ST6GAL1: variants seen among roughly 807,000 people sequenced by gnomAD.
ST6GAL1 encodes the protein beta-galactoside alpha-2,6-sialyltransferase 1.
In ST6GAL1, 20 loss-of-function variants were observed where a neutral mutation model predicts 38.0. The ratio of observed to expected loss-of-function variants is 0.53; its 90% confidence interval spans 0.37 to 0.77. The LOEUF is 0.77. ST6GAL1 is among the 30% of genes least tolerant of loss of function. The probability of loss-of-function intolerance (pLI) is 0.00; values close to 1 mark genes in which losing one functional copy is unlikely to be tolerated. For synonymous variants in ST6GAL1, 196 were observed against 188.2 expected (o/e 1.04, Z -0.34); for missense variants, 432 against 496.4 (o/e 0.87, Z 1.23).
chr3:187,042,048 C>G (rs553568811), intron 3 of ST6GAL1: 2 of 152,372 alleles, frequency 1.3e-5, no homozygotes, highest in African/African-American at 4.8e-5. Context: ...TCGATCTTCT[C>G]ATGCAGGAGT....
chr3:187,020,969 T>TG (rs1298904974), intron 2 of ST6GAL1, among the ~76,000 whole-genome samples: 4 of 149,506 alleles, frequency 2.7e-5, no homozygotes, highest in Non-Finnish European at 5.9e-5. Context: ...TGGTTTTTTT[T>TG]TTTGTTTTTT....
chr3:187,064,869 C>T (rs1337852441), intron 5 of ST6GAL1, among the ~76,000 whole-genome samples: 1 of 152,156 alleles, frequency 6.6e-6, no homozygotes, highest in Non-Finnish European at 1.5e-5. Flanking sequence ...GGGTCCCCAC[C>T]CCCACTCCAC....
At chr3:187,047,854 T>C (rs1447812410) in intron 4 of ST6GAL1, among the ~76,000 whole-genome samples, 1 of 152,158 alleles carries the variant, frequency 6.6e-6, no homozygotes, top group South Asian at 2.1e-4. Flanking sequence ...TTTTGGTACA[T>C]GCATACAATG....
chr3:187,041,912 C>G (rs2108579552), intron 3 of ST6GAL1: 1 of 152,244 alleles, frequency 6.6e-6, no homozygotes, highest in South Asian at 2.1e-4. Flanking sequence ...TTTCCATTTC[C>G]TTAGTTGGCT....
chr3:187,057,082 A>G (rs1398566637), intron 5 of ST6GAL1, among the ~76,000 whole-genome samples: 2 of 151,664 alleles, frequency 1.3e-5, no homozygotes. Context: ...CCTTTCTTCC[A>G]CTTGATCGCA....
At chr3:186,995,990 A>G (rs1186947656) in intron 2 of ST6GAL1, among the ~76,000 whole-genome samples, 1 of 152,188 alleles carries the variant, frequency 6.6e-6, no homozygotes, top group East Asian at 1.9e-4. Flanking sequence ...TGCAGTGGCC[A>G]TATTATCGGT....
Position 187,075,968 on chromosome 3 carries a change from A to G in ST6GAL1, c.*165A>G, listed in dbSNP as rs926223640. The G allele has an allele frequency of 1.9e-6, 2 of 1,056,340 alleles. No homozygotes were observed. Among genetic ancestry groups the G allele is most frequent in the Non-Finnish European group, 2.7e-6 (2 of 753,572 alleles). The allele number at this position is 1,056,340 out of a possible 1,614,324, so 65.4% of individuals were successfully genotyped here. ...TTCAAGAGCCTGTGGTCAGGAAATC[A>G]GGTCCAGCCTTCCCTGTAGCCAGAC... On this transcript the variant is annotated 3_prime_UTR_variant, in exon 8 of 8. Transcript: ENST00000169298. This position sits in a 1 kb window ranked among gnomAD's most constrained non-coding sequence, Gnocchi z 4.1.
chr3:187,019,771 A>T (rs1717233968), intron 2 of ST6GAL1, among the ~76,000 whole-genome samples: 1 of 152,188 alleles, frequency 6.6e-6, no homozygotes, highest in Non-Finnish European at 1.5e-5. Flanking sequence ...GGTGTCAAGC[A>T]CTCTAAGTCT....
intron 2 of ST6GAL1, among the ~76,000 whole-genome samples, chr3:187,028,795 C>T (rs1303552929): frequency 1.3e-5 from 2 of 152,096 alleles, no homozygotes; most frequent in African/African-American, 4.8e-5. Context: ...GAAGTCCTAC[C>T]TTCTGGATTT....
chr3:186,984,752 C>T lies in ST6GAL1; in HGVS notation c.-183+20826C>T, dbSNP rs1267555347. 7.5e-4 allele frequency among the ~76,000 whole-genome samples: 44 copies of T among 58,306 alleles called. 1 individual carries two copies. Among genetic ancestry groups the T allele is most frequent in the Non-Finnish European group, 9.9e-4 (29 of 29,158 alleles). 38.3% of individuals were successfully genotyped at this position (58,306 alleles called of 152,430 possible). A position where few individuals can be genotyped will look rare whatever the true frequency, so the allele number is the denominator to read the frequency against. On this transcript the variant is annotated intron_variant, in intron 2 of 7. Transcript: ENST00000169298. ...CTTCCTTCCTTCCTTCCCTCCCTCC[C>T]TCCCTCCCTCCCTCCTTCCTTCCTT...
chr3:187,029,237 T>G, intron 2 of ST6GAL1, among the ~76,000 whole-genome samples: 1 of 150,926 alleles, frequency 6.6e-6, no homozygotes, highest in South Asian at 2.1e-4. Flanking sequence ...TTGATTTTGC[T>G]TTTTAAGAGC....
In ST6GAL1 at chr3:186,980,682, G is replaced by A. The variant is rs76997617; in HGVS notation, c.-183+16756G>A. Among the ~76,000 whole-genome samples the A allele has an allele frequency of 1.8e-4, 27 of 150,880 alleles. No individual in the cohort carries two copies. The East Asian group carries it at 5.2e-3, about 29-fold the overall frequency. ...CCCAGCTATTAGGGAGGCTGAGGCAGGAAAATCACTTGAACCTGGGAGGTG... is the reference window on the plus strand; with the variant it reads ...CCCAGCTATTAGGGAGGCTGAGGCAAGAAAATCACTTGAACCTGGGAGGTG... On this transcript the variant is annotated intron_variant, in intron 2 of 7. Coordinates refer to ENST00000169298, the MANE Select transcript of ST6GAL1 (RefSeq NM_173216.2).
At chr3:187,062,574 T>TCACACACACACACACACACACACA (rs57175575) in intron 5 of ST6GAL1, among the ~76,000 whole-genome samples, 44 of 143,910 alleles carry the variant, frequency 3.1e-4, no homozygotes, top group East Asian at 1.0e-3. Flanking sequence ...AATAAGCCAG[T>TCACACACACACACACACACACACA]CACACACACA....
chr3:187,014,398 G>A (rs930852758), intron 2 of ST6GAL1, among the ~76,000 whole-genome samples: 1 of 152,176 alleles, frequency 6.6e-6, no homozygotes, highest in African/African-American at 2.4e-5. Flanking sequence ...ACCGTTTTGA[G>A]CTCCCAGTTA....
intron 2 of ST6GAL1, among the ~76,000 whole-genome samples, chr3:187,022,268 A>G (rs533960371): frequency 6.9e-6 from 1 of 145,470 alleles, no homozygotes; most frequent in East Asian, 1.9e-4. Flanking sequence ...CCCCACACAT[A>G]TGGTCACATA....
intron 2 of ST6GAL1, among the ~76,000 whole-genome samples, chr3:187,036,281 C>T (rs764634089): frequency 1.3e-5 from 2 of 152,172 alleles, no homozygotes; most frequent in Non-Finnish European, 2.9e-5. Flanking sequence ...GAAAAGGGAA[C>T]ACCTACACAC....
In ST6GAL1 at chr3:186,960,349, G is replaced by T. The variant is rs189616261; in HGVS notation, c.-324-3436G>T. Among the ~76,000 whole-genome samples, 20 of 152,298 alleles carry T rather than the reference G, an allele frequency of 1.3e-4. No individual in the cohort carries two copies. The East Asian group carries it at 3.7e-3, about 28-fold the overall frequency. On this transcript the variant is annotated intron_variant, in intron 1 of 7. Transcript: ENST00000169298. Reference sequence around the variant, plus strand: ...GTTGGGGGACAGTGCAGTAAGGGCTGCCCCAAGAGATAAAACAGAGAACAG... The same window carrying T: ...GTTGGGGGACAGTGCAGTAAGGGCTTCCCCAAGAGATAAAACAGAGAACAG...
chr3:186,945,158 A>T (rs528553294), intron 1 of ST6GAL1, among the ~76,000 whole-genome samples: 1 of 152,132 alleles, frequency 6.6e-6, no homozygotes, highest in East Asian at 1.9e-4. Flanking sequence ...AATGAAAATC[A>T]TCAGCTGGGT....
At chr3:186,975,955 G>C (rs1715506441) in intron 2 of ST6GAL1, among the ~76,000 whole-genome samples, 1 of 152,170 alleles carries the variant, frequency 6.6e-6, no homozygotes, top group African/African-American at 2.4e-5. Context: ...TTTCTTCTGA[G>C]GACAGCCTCC....
Sources: gnomAD v4.1 joint callset for allele counts (sites outside exome capture counted in the v4.1 genomes callset) on GRCh38, gnomAD v4.1.1 for gene constraint, Gnocchi (gnomAD v3.1) non-coding constraint, MANE v1.5 for transcripts, NCBI Gene and HGNC (gene_info 2026-07-23, HGNC 2026-07-21) for gene names.